Variants in HDAC9 observed in about 807,000 individuals in gnomAD.
HDAC9 encodes the protein MEF-2 interacting transcription repressor (MITR) protein.
Under a neutral mutation model 139.4 loss-of-function variants are expected in HDAC9, and 41 were observed. The observed-to-expected ratio is 0.29, with a 90% confidence interval of 0.23 to 0.38. The LOEUF (loss-of-function observed/expected upper bound fraction) is 0.38. Ranked by LOEUF, HDAC9 falls within the 10% of genes least tolerant of loss-of-function variation. HDAC9 has a pLI of 1.00. For synonymous variants in HDAC9, 517 were observed against 476.2 expected, an observed-to-expected ratio of 1.09 and a Z score of -1.12; for missense variants, 1,147 against 1,297.0, an observed-to-expected ratio of 0.88 and a Z score of 1.78.
At chr7:18,991,461 C>T (rs1318521209) in intron 25 of HDAC9, among the ~76,000 whole-genome samples, 4 of 152,086 alleles carry the variant, frequency 2.6e-5, no homozygotes, top group African/African-American at 7.2e-5. Context: ...CACGGTGAAA[C>T]CCTGTCTCTA....
At position 18,835,915 on chromosome 7, in the gene HDAC9, G is replaced by A; in HGVS notation, c.2602G>A (p.Gly868Arg). 1 of 1,558,124 alleles carries A rather than the reference G, an allele frequency of 6.4e-7. No individual in the cohort carries two copies. Among genetic ancestry groups the A allele is most frequent in the Non-Finnish European group, 8.7e-7 (1 of 1,149,612 alleles). The change falls in exon 21 of 26, where the codon GGA (glycine) becomes AGA (arginine). Residue 868 changes from glycine to arginine, a missense_variant. Gly to Arg is a moderately radical substitution (Grantham distance 125, BLOSUM62 -2). Coordinates refer to ENST00000686413, the MANE Select transcript of HDAC9 (RefSeq NM_178425.4). ...CTCTTCCCAGGTTGGAACAGGCCTTGGAGAAGGGTACAATATAAATATTGC... is the reference window on the plus strand; with the variant it reads ...CTCTTCCCAGGTTGGAACAGGCCTTAGAGAAGGGTACAATATAAATATTGC... ...GAPNEVGTGL[G>R]EGYNINIAWT...
chr7:18,662,113 C>T (rs1369898143), intron 11 of HDAC9, among the ~76,000 whole-genome samples: 1 of 152,100 alleles, frequency 6.6e-6, no homozygotes, highest in Non-Finnish European at 1.5e-5. Context: ...AGTAAATTAA[C>T]ACTCAGTTTG....
At chr7:18,994,153 T>G (rs1380311129) in intron 25 of HDAC9, among the ~76,000 whole-genome samples, 1 of 152,126 alleles carries the variant, frequency 6.6e-6, no homozygotes, top group Non-Finnish European at 1.5e-5. Context: ...CTCTGAGACA[T>G]TTCCCACACG....
chr7:18,351,790 T>G (rs1222670075), intron 1 of HDAC9, among the ~76,000 whole-genome samples: 3 of 152,178 alleles, frequency 2.0e-5, no homozygotes, highest in African/African-American at 7.2e-5. Context: ...ATGTTTAATT[T>G]TGTCAAGAAC....
intron 22 of HDAC9, among the ~76,000 whole-genome samples, chr7:18,877,417 A>C (rs941480064): frequency 2.0e-5 from 3 of 152,168 alleles, no homozygotes; most frequent in Non-Finnish European, 4.4e-5. Context: ...CCCAAAACGA[A>C]GTTAGAAATG....
chr7:18,388,852 G>A (rs1041961738), intron 1 of HDAC9, among the ~76,000 whole-genome samples: 6 of 152,070 alleles, frequency 3.9e-5, no homozygotes, highest in Non-Finnish European at 1.5e-5. Context: ...TTTGCTCTTT[G>A]GGAATCAGAT....
intron 1 of HDAC9, among the ~76,000 whole-genome samples, chr7:18,386,862 A>G (rs1483854140): frequency 6.6e-6 from 1 of 152,202 alleles, no homozygotes; most frequent in Non-Finnish European, 1.5e-5. Context: ...CTTGGGATAC[A>G]CCACATGGCC....
At chr7:18,904,857 G>A (rs567657571) in intron 22 of HDAC9, among the ~76,000 whole-genome samples, 27 of 151,972 alleles carry the variant, frequency 1.8e-4, no homozygotes, top group African/African-American at 5.5e-4. Flanking sequence ...TTACAGGCAT[G>A]AGCCGCCGTG....
intron 22 of HDAC9, among the ~76,000 whole-genome samples, chr7:18,912,768 C>T (rs911489088): frequency 7.2e-5 from 11 of 151,988 alleles, no homozygotes; most frequent in Non-Finnish European, 1.0e-4. Flanking sequence ...TTGCATAAAT[C>T]GCAAGGATTC....
At chr7:18,266,897 T>C (rs1796041400) in intron 2 of HDAC9, among the ~76,000 whole-genome samples, 1 of 152,164 alleles carries the variant, frequency 6.6e-6, no homozygotes, top group Non-Finnish European at 1.5e-5. Flanking sequence ...ATATTTATGA[T>C]GGAGCCATCC....
intron 21 of HDAC9, among the ~76,000 whole-genome samples, chr7:18,847,578 G>A (rs1173727855): frequency 5.3e-5 from 8 of 152,100 alleles, no homozygotes; most frequent in African/African-American, 9.7e-5. Flanking sequence ...GAATAAAGAC[G>A]CCTCAGGAGA....
chr7:18,611,596 G>A (rs1368433335), intron 6 of HDAC9, among the ~76,000 whole-genome samples: 8 of 152,090 alleles, frequency 5.3e-5, no homozygotes, highest in East Asian at 3.8e-4. Context: ...TGAAGACAGC[G>A]AGTTTTGTTT....
chr7:18,553,735 A>T (rs969324809), intron 2 of HDAC9, among the ~76,000 whole-genome samples: 29 of 152,198 alleles, frequency 1.9e-4, no homozygotes, highest in African/African-American at 6.0e-4. Flanking sequence ...TGCCAATTGA[A>T]ATTATGAGAT....
intron 1 of HDAC9, among the ~76,000 whole-genome samples, chr7:18,396,601 A>G (rs1214038148): frequency 2.0e-5 from 3 of 152,124 alleles, no homozygotes; most frequent in Non-Finnish European, 2.9e-5. Flanking sequence ...TTTAAGGGAT[A>G]GAGGTCAAGG....
At chr7:18,125,556 C>T (rs1302352738) in intron 1 of HDAC9, among the ~76,000 whole-genome samples, 1 of 151,620 alleles carries the variant, frequency 6.6e-6, no homozygotes, top group Non-Finnish European at 1.5e-5. Context: ...ATTTTAATGA[C>T]AACACTTTGG....
rs1038131633 is a variant in HDAC9, at chr7:18,648,611, G to T, written c.1395G>T (p.Leu465=). The change falls in exon 11 of 26, where the codon CTG becomes CTT. Residue 465 remains leucine, a synonymous_variant. Coordinates refer to ENST00000686413, the MANE Select transcript of HDAC9 (RefSeq NM_178425.4). ...TGCCTCAGAGCACGTTGGCTCAGCT[G>T]GTCATTCAACAGCAACACCAGCAAT... The part of the protein sequence containing the change: ...APLPQSTLAQ[L]VIQQQHQQFL... 6.2e-6 allele frequency: 10 copies of T among 1,613,466 alleles called. No homozygotes were observed. In the East Asian group the frequency reaches 2.2e-4, roughly 36 times the overall value.
chr7:18,833,791 G>C (rs138726259), intron 19 of HDAC9, among the ~76,000 whole-genome samples: 1,564 of 152,240 alleles, frequency 0.01, 15 homozygotes, highest in Non-Finnish European at 0.016. Flanking sequence ...AAGGATTATT[G>C]TATGTCTACA....
At chr7:18,917,939 G>C (rs938820021) in intron 22 of HDAC9, among the ~76,000 whole-genome samples, 2 of 151,972 alleles carry the variant, frequency 1.3e-5, no homozygotes, top group Non-Finnish European at 2.9e-5. Flanking sequence ...AAGCTCATTT[G>C]TCATTGGGTA....
At chr7:18,122,156 T>A (rs1434732110) in intron 1 of HDAC9, among the ~76,000 whole-genome samples, 1 of 152,218 alleles carries the variant, frequency 6.6e-6, no homozygotes, top group Non-Finnish European at 1.5e-5. Context: ...TGGGAGAGCT[T>A]AAGTTAATTC....
Sources: allele counts gnomAD v4.1 joint callset (sites outside exome capture counted in the v4.1 genomes callset), GRCh38; gene constraint gnomAD v4.1.1; transcripts MANE v1.5; gene names NCBI Gene and HGNC (gene_info 2026-07-23, HGNC 2026-07-21).